Variants in ARIH1 observed in about 807,000 individuals in gnomAD.
ARIH1 encodes ariadne RBR E3 ubiquitin protein ligase 1.
Under a neutral mutation model 85.0 loss-of-function variants are expected in ARIH1, and 8 were observed. The observed-to-expected ratio is 0.09, with a 90% confidence interval of 0.06 to 0.17. ARIH1 has a LOEUF of 0.17. ARIH1 is among the 10% of genes least tolerant of loss of function. The probability of loss-of-function intolerance (pLI) is 1.00; values close to 1 mark genes in which losing one functional copy is unlikely to be tolerated. For missense variants in ARIH1, 311 were observed against 718.1 expected (o/e 0.43, Z 6.48); for synonymous variants, 238 against 253.6 (o/e 0.94, Z 0.59).
Position 72,591,267 on chromosome 15 carries a change from C to A in ARIH1, c.*7975C>A. ...AAGAAGAAGAAGAAGAAATACAAAA[C>A]CAACTCTTTATAGTAGACAGTTTAT... On this transcript the variant is annotated 3_prime_UTR_variant, in exon 14 of 14. Coordinates refer to ENST00000379887, the MANE Select transcript of ARIH1 (RefSeq NM_005744.5). The A allele has an allele frequency of 6.9e-6, 1 of 145,536 alleles. No homozygotes were observed. Among genetic ancestry groups the A allele is most frequent in the Admixed American group, 6.8e-5 (1 of 14,694 alleles). The allele number at this position is 145,536 out of a possible 1,614,324, so 9.0% of individuals were successfully genotyped here. A position where few individuals can be genotyped will look rare whatever the true frequency, so the allele number is the denominator to read the frequency against.
At chr15:72,576,043 G>C (rs984129145) in intron 11 of ARIH1, among the ~76,000 whole-genome samples, 1 of 152,090 alleles carries the variant, frequency 6.6e-6, no homozygotes. Context: ...GAAGTGTTTC[G>C]TTGTATAATG....
chr15:72,498,961 A>ATTTTTTTTTTTTTTT (rs535261674), intron 1 of ARIH1, among the ~76,000 whole-genome samples: 6 of 88,430 alleles, frequency 6.8e-5, no homozygotes, highest in Non-Finnish European at 6.5e-5. Context: ...CTTTTCATAA[A>ATTTTTTTTTTTTTTT]TTTTTTTTTT....
intron 1 of ARIH1, among the ~76,000 whole-genome samples, chr15:72,477,137 T>C (rs1006767141): frequency 1.3e-5 from 2 of 152,206 alleles, no homozygotes; most frequent in African/African-American, 4.8e-5. Flanking sequence ...GTTATGCTAG[T>C]TTTCCCAACC....
At chr15:72,526,778 C>T (rs186126502) in intron 2 of ARIH1, among the ~76,000 whole-genome samples, 22 of 151,454 alleles carry the variant, frequency 1.5e-4, no homozygotes, top group African/African-American at 5.3e-4. Context: ...AGAAAGGACA[C>T]CTTTAACTTT....
chr15:72,535,269 C>A (rs2064077151), intron 2 of ARIH1, among the ~76,000 whole-genome samples: 1 of 152,092 alleles, frequency 6.6e-6, no homozygotes, highest in Non-Finnish European at 1.5e-5. Context: ...TGTATTCTTA[C>A]CACATTTACC....
chr15:72,523,615 T>C (rs2064010629), intron 2 of ARIH1, among the ~76,000 whole-genome samples: 1 of 151,778 alleles, frequency 6.6e-6, no homozygotes, highest in African/African-American at 2.4e-5. Flanking sequence ...CCATAGAGTG[T>C]ATAACATCAA....
chr15:72,491,657 C>A (rs1313011308), intron 1 of ARIH1, among the ~76,000 whole-genome samples: 1 of 152,146 alleles, frequency 6.6e-6, no homozygotes, highest in Non-Finnish European at 1.5e-5. Context: ...CTACCAAATT[C>A]ACTGAATTAA....
intron 2 of ARIH1, among the ~76,000 whole-genome samples, chr15:72,534,952 CTG>C (rs1471643442): frequency 1.8e-5 from 1 of 54,636 alleles, no homozygotes; most frequent in Non-Finnish European, 9.6e-5. Flanking sequence ...TTCTTATTGT[CTG>C]TATTCTTTTT....
chr15:72,561,752 C>T (rs1387322235), intron 6 of ARIH1, among the ~76,000 whole-genome samples: 1 of 152,110 alleles, frequency 6.6e-6, no homozygotes, highest in South Asian at 2.1e-4. Flanking sequence ...GAGGCCGAGG[C>T]GGGTGGATCA....
intron 5 of ARIH1, among the ~76,000 whole-genome samples, chr15:72,559,924 G>A (rs2064190791): frequency 6.6e-6 from 1 of 152,070 alleles, no homozygotes; most frequent in African/African-American, 2.4e-5. Context: ...TTACGGAAAT[G>A]TCTTATGTGA....
At position 72,474,586 on chromosome 15, in the gene ARIH1, C is replaced by T. The variant is rs775676417; in HGVS notation, c.-54C>T. On this transcript the variant is annotated 5_prime_UTR_variant, in exon 1 of 14. Transcript: ENST00000379887. ...GGAGCGAGAGCCGGGGCCTCGGCGT[C>T]CCCGCCCTCTCCCCGCCTCGGCCAG... The T allele has an allele frequency of 5.4e-6, 8 of 1,485,830 alleles. No individual in the cohort carries two copies. In the Admixed American group the frequency reaches 1.6e-4, roughly 29 times the overall value. The allele number at this position is 1,485,830 out of a possible 1,614,324, so 92.0% of individuals were successfully genotyped here.
Position 72,474,872 on chromosome 15 carries a change from G to C in ARIH1, c.233G>C (p.Gly78Ala). Reference protein sequence around the residue: ...GGGGSALGPGGGGGGGGGGGG... With the variant: ...GGGGSALGPGAGGGGGGGGGG... ...GGCGGCAGCGCTCTGGGGCCCGGCG[G>C]TGGCGGCGGCGGCGGCGGCGGCGGT... Residue 78 changes from glycine to alanine, a missense_variant, in exon 1 of 14, where the codon GGT becomes GCT. By Grantham distance (60) the Gly-to-Ala change is moderately conservative. Transcript: ENST00000379887. The C allele has an allele frequency of 7.0e-7, 1 of 1,423,942 alleles. No individual in the cohort carries two copies. The highest frequency in any genetic ancestry group is 1.5e-5 in the South Asian group (1 of 64,964). The allele number at this position is 1,423,942 out of a possible 1,614,324, so 88.2% of individuals were successfully genotyped here.
At chr15:72,485,023 G>A (rs933348136) in intron 1 of ARIH1, among the ~76,000 whole-genome samples, 64 of 152,102 alleles carry the variant, frequency 4.2e-4, no homozygotes, top group African/African-American at 1.5e-3. Flanking sequence ...TATAGTGGTT[G>A]TACTAGTTTA....
chr15:72,546,731 G>A (rs1183423434), intron 3 of ARIH1, among the ~76,000 whole-genome samples: 1 of 151,106 alleles, frequency 6.6e-6, no homozygotes, highest in East Asian at 2.0e-4. Flanking sequence ...TTTCACCTGT[G>A]TGTGTGTGTT....
intron 1 of ARIH1, among the ~76,000 whole-genome samples, chr15:72,511,784 T>A (rs1403479866): frequency 1.3e-5 from 2 of 152,184 alleles, no homozygotes; most frequent in African/African-American, 4.8e-5. Context: ...TAAGACTCCG[T>A]CCAGTACAGA....
chr15:72,496,842 G>A (rs574933391), intron 1 of ARIH1: 3 of 985,422 alleles, frequency 3.0e-6, no homozygotes, highest in African/African-American at 3.5e-5. Flanking sequence ...AAGGACAGGC[G>A]GGCTGCAGCA....
At chr15:72,563,577 A>G in intron 7 of ARIH1, 77 bp downstream of exon 7, 2 of 1,290,014 alleles carry the variant, frequency 1.6e-6, no homozygotes, top group South Asian at 2.4e-5. Flanking sequence ...GTAGTAAAAT[A>G]GCAGAAAAAA....
chr15:72,514,923 G>A (rs2063968074), intron 1 of ARIH1, among the ~76,000 whole-genome samples: 1 of 151,920 alleles, frequency 6.6e-6, no homozygotes, highest in Non-Finnish European at 1.5e-5. Context: ...GGAGGCAGAG[G>A]GTGCAGTGAG....
chr15:72,520,095 G>A (rs189515188), intron 2 of ARIH1, among the ~76,000 whole-genome samples: 5 of 152,198 alleles, frequency 3.3e-5, no homozygotes, highest in Admixed American at 2.6e-4. Flanking sequence ...CTTCTGCTCA[G>A]TTTTTCTGGG....
Sources: gnomAD v4.1 joint callset for allele counts (sites outside exome capture counted in the v4.1 genomes callset) on GRCh38, gnomAD v4.1.1 for gene constraint, MANE v1.5 for transcripts, NCBI Gene and HGNC (gene_info 2026-07-23, HGNC 2026-07-21) for gene names.